DPP10: variants seen among roughly 807,000 people sequenced by gnomAD.
The protein encoded by DPP10 is dipeptidyl peptidase like 10.
A neutral mutation model predicts 120.9 loss-of-function variants in DPP10; 33 were observed. The observed-to-expected ratio is 0.27, with a 90% CI of 0.21 to 0.37. The LOEUF (loss-of-function observed/expected upper bound fraction) is 0.37, where lower values mean the gene tolerates loss of function less well. Ranked by LOEUF, DPP10 falls within the 10% of genes least tolerant of loss-of-function variation. DPP10 has a pLI of 1.00. For synonymous variants in DPP10, 337 were observed against 326.1 expected (o/e 1.03, Z -0.36); for missense variants, 816 against 942.8 (o/e 0.87, Z 1.76).
chr2:114,545,765 A>G (rs1488999983), intron 1 of DPP10, among the ~76,000 whole-genome samples: 2 of 152,208 alleles, frequency 1.3e-5, no homozygotes. Context: ...ACTGCTGATT[A>G]TTATAATAAT....
At chr2:114,787,325 C>A (rs144473239) in intron 1 of DPP10, among the ~76,000 whole-genome samples, 1 of 152,098 alleles carries the variant, frequency 6.6e-6, no homozygotes, top group Non-Finnish European at 1.5e-5. Context: ...CCAGTGTGAA[C>A]CTTGGAGTGT....
At chr2:115,149,918 A>G (rs1197383594) in intron 1 of DPP10, among the ~76,000 whole-genome samples, 1 of 152,198 alleles carries the variant, frequency 6.6e-6, no homozygotes, top group Non-Finnish European at 1.5e-5. Context: ...TTATTTTTAG[A>G]CCGAGTTAAT....
chr2:114,618,693 A>G, intron 1 of DPP10, among the ~76,000 whole-genome samples: 1 of 152,100 alleles, frequency 6.6e-6, no homozygotes. Flanking sequence ...AGTTGGTAAC[A>G]TGTGAACTGA....
At position 115,320,252 on chromosome 2, in the gene DPP10, G is replaced by A. The variant is rs571582878; in HGVS notation, c.175+10899G>A. 5.3e-5 allele frequency among the ~76,000 whole-genome samples: 8 copies of A among 152,190 alleles called. No individual in the cohort carries two copies. In the East Asian group the frequency reaches 1.5e-3, roughly 29 times the overall value. ...TATTTTTCCATCATTTACCCTCAAT[G>A]CATTGCATCTTTAGAAAGCAAGTAA... On this transcript the variant is annotated intron_variant, in intron 2 of 25. Transcript: ENST00000410059.
chr2:115,385,538 G>T (rs1026675892), intron 3 of DPP10, among the ~76,000 whole-genome samples: 2 of 151,898 alleles, frequency 1.3e-5, no homozygotes, highest in African/African-American at 4.8e-5. Context: ...TGTGTTTTTA[G>T]TAGAGCTGGG....
chr2:115,409,043 CA>C (rs374640618), intron 3 of DPP10, among the ~76,000 whole-genome samples: 7 of 147,540 alleles, frequency 4.7e-5, no homozygotes, highest in East Asian at 2.0e-4. Context: ...GGAAGGAAAA[CA>C]AAAAAAAATA....
At chr2:115,277,823 C>A (rs536685596) in intron 1 of DPP10, among the ~76,000 whole-genome samples, 1 of 152,112 alleles carries the variant, frequency 6.6e-6, no homozygotes, top group East Asian at 1.9e-4. Flanking sequence ...TTTTGAAACA[C>A]AGACTTTTAA....
Position 114,834,735 on chromosome 2 carries a change from G to GTATATATAAGCCATGTCTACA in DPP10, c.60+391897_60+391898insTATATATAAGCCATGTCTACA, listed in dbSNP as rs1687525088. ...CTATGTATATATAAGCCATGTCTAC[G>GTATATATAAGCCATGTCTACA]CACCTATGTATATATAAGCCATGTC... On this transcript the variant is annotated intron_variant, in intron 1 of 25. Coordinates refer to ENST00000410059, the MANE Select transcript of DPP10 (RefSeq NM_020868.6). Among the ~76,000 whole-genome samples, 5 of 32,048 alleles carry GTATATATAAGCCATGTCTACA rather than the reference G, an allele frequency of 1.6e-4. 2 individuals carry two copies. The highest frequency in any genetic ancestry group is 9.3e-4 in the Admixed American group (2 of 2,152). 21.0% of individuals were successfully genotyped at this position (32,048 alleles called of 152,430 possible).
chr2:115,344,985 G>C (rs2063638401), intron 3 of DPP10, among the ~76,000 whole-genome samples: 1 of 152,040 alleles, frequency 6.6e-6, no homozygotes, highest in Admixed American at 6.6e-5. Context: ...ATTTATGGAA[G>C]CTATATAAAG....
chr2:115,268,690 T>G (rs75314059), intron 1 of DPP10, among the ~76,000 whole-genome samples: 3,325 of 152,296 alleles, frequency 0.022, 131 homozygotes, highest in African/African-American at 0.077. Flanking sequence ...CTTTGGTGAT[T>G]ATGATTTCTA....
At chr2:115,809,403 A>G (rs1429360769) in intron 19 of DPP10, among the ~76,000 whole-genome samples, 2 of 152,216 alleles carry the variant, frequency 1.3e-5, no homozygotes, top group Admixed American at 1.3e-4. Context: ...CTGCTATCCT[A>G]TGTTAATCTC....
intron 1 of DPP10, among the ~76,000 whole-genome samples, chr2:114,804,105 G>T (rs1684511672): frequency 6.6e-6 from 1 of 152,216 alleles, no homozygotes. Flanking sequence ...TGTACAGCTT[G>T]GGCTGTAGGG....
chr2:114,530,789 GAATT>G (rs1432676826), intron 1 of DPP10, among the ~76,000 whole-genome samples: 1 of 152,088 alleles, frequency 6.6e-6, no homozygotes. Flanking sequence ...AAGTTTTGCA[GAATT>G]AATTAAACAT....
At chr2:115,048,166 A>G (rs1000003080) in intron 1 of DPP10, among the ~76,000 whole-genome samples, 1 of 152,102 alleles carries the variant, frequency 6.6e-6, no homozygotes, top group Non-Finnish European at 1.5e-5. Context: ...GTACATTTAT[A>G]TGCTCCCAAC....
chr2:115,542,704 A>AAG (rs552128784), intron 5 of DPP10, among the ~76,000 whole-genome samples: 2 of 151,620 alleles, frequency 1.3e-5, no homozygotes, highest in African/African-American at 4.8e-5. Context: ...TAAAAAAAAA[A>AAG]AGAGAGAGAT....
chr2:115,536,921 G>T (rs899719067), intron 5 of DPP10, among the ~76,000 whole-genome samples: 4 of 152,118 alleles, frequency 2.6e-5, no homozygotes, highest in Admixed American at 1.3e-4. Context: ...ATTAATAGAT[G>T]AGTAGAATTA....
At chr2:114,449,409 G>A (rs1678124933) in intron 1 of DPP10, among the ~76,000 whole-genome samples, 1 of 151,654 alleles carries the variant, frequency 6.6e-6, no homozygotes, top group Admixed American at 6.6e-5. Context: ...TGTGAAATAA[G>A]GAAATTACCT....
chr2:114,631,897 T>TC (rs1399648379), intron 1 of DPP10, among the ~76,000 whole-genome samples: 1 of 152,210 alleles, frequency 6.6e-6, no homozygotes, highest in African/African-American at 2.4e-5. Context: ...TAGTATCTAA[T>TC]CTGGTTCTAA....
At chr2:115,312,492 T>A (rs2061623152) in intron 2 of DPP10, among the ~76,000 whole-genome samples, 1 of 152,090 alleles carries the variant, frequency 6.6e-6, no homozygotes, top group Non-Finnish European at 1.5e-5. Context: ...TAGTCTTGCC[T>A]CTCTCATCAG....
Sources: allele counts gnomAD v4.1 joint callset (sites outside exome capture counted in the v4.1 genomes callset), GRCh38; gene constraint gnomAD v4.1.1; transcripts MANE v1.5; gene names NCBI Gene and HGNC (gene_info 2026-07-23, HGNC 2026-07-21).